Variants in KSR2 observed in about 807,000 individuals in gnomAD.
KSR2 encodes kinase suppressor of ras 2.
KSR2 carries 25 observed loss-of-function variants against 107.8 expected under a neutral mutation model. The ratio of observed to expected loss-of-function variants is 0.23; its 90% CI spans 0.17 to 0.32. The LOEUF is 0.32. Among genes scored for constraint, KSR2 ranks in the 10% least tolerant of loss-of-function variants. KSR2 has a pLI of 1.00. For missense variants in KSR2, 887 were observed against 1,268.9 expected (o/e 0.70, Z 4.57); for synonymous variants, 480 against 507.0 (o/e 0.95, Z 0.71).
chr12:117,507,325 G>A (rs1017216467), intron 14 of KSR2, among the ~76,000 whole-genome samples: 6 of 152,180 alleles, frequency 3.9e-5, no homozygotes, highest in African/African-American at 1.4e-4. Flanking sequence ...AGGACCAGAG[G>A]TCTTTAAGTC....
At chr12:117,825,473 C>G (rs954056624) in intron 3 of KSR2, among the ~76,000 whole-genome samples, 2 of 152,178 alleles carry the variant, frequency 1.3e-5, no homozygotes, top group Non-Finnish European at 2.9e-5. Context: ...TTTCCTTCTT[C>G]ATGTAACCAT....
chr12:117,897,919 G>A lies in KSR2; in HGVS notation c.181-37488C>T, dbSNP rs919461982. On this transcript the variant is annotated intron_variant, in intron 1 of 19. Coordinates refer to ENST00000339824, the MANE Select transcript of KSR2 (RefSeq NM_173598.6). The surrounding 1 kb of genome is among the most constrained non-coding windows in gnomAD (Gnocchi z 4.5). The stretch of plus-strand genomic sequence containing the variant: ...TGGTTGGCAGTCTATTGTACACACC[G>A]TCTGTGTGTGTGTCTGTGTGCACTC... Among the ~76,000 whole-genome samples, 6 of 151,590 alleles carry A rather than the reference G, an allele frequency of 4.0e-5. No individual in the cohort carries two copies. The South Asian group carries it at 8.4e-4, about 21-fold the overall frequency.
intron 1 of KSR2, among the ~76,000 whole-genome samples, chr12:117,928,443 C>T (rs1024635077): frequency 2.6e-5 from 4 of 152,186 alleles, no homozygotes; most frequent in African/African-American, 9.7e-5. Flanking sequence ...CTGGGCCTCC[C>T]AAAGTGCTGG....
chr12:117,903,946 C>G (rs1894764832), intron 1 of KSR2, among the ~76,000 whole-genome samples: 2 of 152,116 alleles, frequency 1.3e-5, no homozygotes, highest in Admixed American at 1.3e-4. Flanking sequence ...CTGCAGTGAG[C>G]TATGATCATG....
intron 3 of KSR2, among the ~76,000 whole-genome samples, chr12:117,791,144 G>T (rs1406022294): frequency 1.3e-5 from 2 of 151,866 alleles, no homozygotes; most frequent in South Asian, 2.1e-4. Context: ...CTCATCTCCT[G>T]CCACACTGAT....
At chr12:117,538,008 C>T in intron 10 of KSR2, among the ~76,000 whole-genome samples, 1 of 152,206 alleles carries the variant, frequency 6.6e-6, no homozygotes, top group East Asian at 1.9e-4. Flanking sequence ...AGAGAAAATA[C>T]TCCTGAAGTC....
At chr12:117,656,834 T>A (rs1021295232) in intron 5 of KSR2, among the ~76,000 whole-genome samples, 4 of 151,440 alleles carry the variant, frequency 2.6e-5, no homozygotes, top group African/African-American at 7.3e-5. Context: ...AGACTGGCTC[T>A]CCTTGCTCCT....
chr12:117,905,666 G>A (rs1397037621), intron 1 of KSR2, among the ~76,000 whole-genome samples: 1 of 152,170 alleles, frequency 6.6e-6, no homozygotes, highest in Non-Finnish European at 1.5e-5. Flanking sequence ...GGACAGTGTG[G>A]TGCAGCAGGA....
At chr12:117,794,117 T>C (rs1477319841) in intron 3 of KSR2, among the ~76,000 whole-genome samples, 1 of 102,618 alleles carries the variant, frequency 9.7e-6, no homozygotes, top group African/African-American at 4.3e-5. Context: ...CACACCAACA[T>C]GCACACTCAC....
chr12:117,775,829 C>G (rs1329618370), intron 3 of KSR2, among the ~76,000 whole-genome samples: 1 of 152,098 alleles, frequency 6.6e-6, no homozygotes, highest in Admixed American at 6.5e-5. Flanking sequence ...GGTGAAGTAA[C>G]TCGGGAATAG....
At chr12:117,857,590 C>T (rs530133387) in intron 2 of KSR2, among the ~76,000 whole-genome samples, 27 of 152,262 alleles carry the variant, frequency 1.8e-4, no homozygotes, top group African/African-American at 6.5e-4. Context: ...AGGGCAGACA[C>T]ACCTCTGTTT....
intron 3 of KSR2, among the ~76,000 whole-genome samples, chr12:117,822,568 T>G (rs2137083057): frequency 1.3e-5 from 2 of 152,360 alleles, no homozygotes; most frequent in Admixed American, 1.3e-4. Flanking sequence ...CAGAACACTT[T>G]CCATTGACTG....
intron 14 of KSR2, among the ~76,000 whole-genome samples, chr12:117,507,700 C>T (rs991152240): frequency 7.2e-5 from 11 of 152,238 alleles, no homozygotes; most frequent in East Asian, 5.8e-4. Context: ...TACCCCCCTG[C>T]GATCTTGTTT....
intron 3 of KSR2, among the ~76,000 whole-genome samples, chr12:117,764,168 C>T (rs548491070): frequency 1.0e-3 from 155 of 151,310 alleles, no homozygotes; most frequent in African/African-American, 3.7e-3. Context: ...GAAAAAAAGG[C>T]AATGCTGTTC....
At chr12:117,746,760 T>C (rs1888423681) in intron 4 of KSR2, among the ~76,000 whole-genome samples, 1 of 150,856 alleles carries the variant, frequency 6.6e-6, no homozygotes, top group Non-Finnish European at 1.5e-5. Flanking sequence ...CATCAAAAAG[T>C]AGGCAAAGGA....
intron 3 of KSR2, among the ~76,000 whole-genome samples, chr12:117,778,641 T>A (rs767924729): frequency 6.6e-6 from 1 of 152,138 alleles, no homozygotes; most frequent in Non-Finnish European, 1.5e-5. Flanking sequence ...GAAACAGCTG[T>A]GCCTCCACCA....
At position 117,947,204 on chromosome 12, in the gene KSR2, G is replaced by GA. The variant is rs57564580; in HGVS notation, c.180+20871dup. ...AAAGAAAGAAAAGAAAGAAAAGAAA[G>GA]AAAAGAAAGAAAGAAAGAAAGAAAG... is the stretch of plus-strand genomic sequence containing the variant. On this transcript the variant is annotated intron_variant, in intron 1 of 19. Transcript: ENST00000339824. Among the ~76,000 whole-genome samples the GA allele has an allele frequency of 6.8e-5, 4 of 59,244 alleles. 1 individual carries two copies. The East Asian group carries it at 1.8e-3, about 26-fold the overall frequency. The allele number at this position is 59,244 out of a possible 152,430, so 38.9% of individuals were successfully genotyped here.
intron 4 of KSR2, among the ~76,000 whole-genome samples, chr12:117,668,043 T>C (rs2136486663): frequency 6.6e-6 from 1 of 152,260 alleles, no homozygotes; most frequent in African/African-American, 2.4e-5. Context: ...TCTTTGGCCA[T>C]TTGACAAAAA....
At chr12:117,479,516 G>A (rs1308899782) in intron 16 of KSR2, among the ~76,000 whole-genome samples, 1 of 152,122 alleles carries the variant, frequency 6.6e-6, no homozygotes, top group Non-Finnish European at 1.5e-5. Flanking sequence ...AGCATCCCTG[G>A]CCTCTACTCA....
Sources: gnomAD v4.1 joint callset for allele counts (sites outside exome capture counted in the v4.1 genomes callset) on GRCh38, gnomAD v4.1.1 for gene constraint, Gnocchi (gnomAD v3.1) non-coding constraint, MANE v1.5 for transcripts, NCBI Gene and HGNC (gene_info 2026-07-23, HGNC 2026-07-21) for gene names.